Variants in MICAL3 observed in about 807,000 individuals in gnomAD.
MICAL3 encodes the protein [F-actin]-monooxygenase MICAL3.
MICAL3 carries 62 observed loss-of-function variants against 207.4 expected under a neutral mutation model. The observed-to-expected ratio is 0.30, with a 90% CI of 0.24 to 0.37. The LOEUF is 0.37. Ranked by LOEUF, MICAL3 falls within the 10% of genes least tolerant of loss-of-function variation. The pLI, the probability that MICAL3 is intolerant of heterozygous loss-of-function variation, is 1.00. For synonymous variants in MICAL3, 1,077 were observed against 1,069.3 expected, an observed-to-expected ratio of 1.01 and a Z score of -0.14; for missense variants, 2,368 against 2,635.6, an observed-to-expected ratio of 0.90 and a Z score of 2.22.
intron 1 of MICAL3, among the ~76,000 whole-genome samples, chr22:17,988,571 C>T (rs888552896): frequency 1.3e-5 from 2 of 152,246 alleles, no homozygotes; most frequent in Non-Finnish European, 2.9e-5. Flanking sequence ...TCTCCTGCCT[C>T]AGCCTCCCAA....
intron 21 of MICAL3, among the ~76,000 whole-genome samples, chr22:17,829,071 G>A (rs1297671713): frequency 3.3e-5 from 5 of 152,224 alleles, no homozygotes; most frequent in Admixed American, 2.0e-4. Context: ...CCTGCAAGCC[G>A]TATGTGGAGT....
chr22:17,902,796 T>G lies in MICAL3; in HGVS notation c.473-49A>C. On this transcript the variant is annotated intron_variant, in intron 3 of 31. Transcript: ENST00000441493. The surrounding 1 kb of genome is among the most constrained non-coding windows in gnomAD (Gnocchi z 4.5). The stretch of plus-strand genomic sequence containing the variant: ...TGATGGGAACACATGGAGAAGGGGG[T>G]ACCCATCCGTGTCGCAGCTCAGGCT... 2 of 1,181,428 alleles carry G rather than the reference T, an allele frequency of 1.7e-6. No individual in the cohort carries two copies. The highest frequency in any genetic ancestry group is 2.5e-6 in the Non-Finnish European group (2 of 812,964). 73.2% of individuals were successfully genotyped at this position (1,181,428 alleles called of 1,614,324 possible). A position where few individuals can be genotyped will look rare whatever the true frequency, so the allele number is the denominator to read the frequency against.
chr22:17,801,677 T>TA (rs1436383891), intron 29 of MICAL3, among the ~76,000 whole-genome samples: 3 of 151,544 alleles, frequency 2.0e-5, no homozygotes, highest in African/African-American at 4.8e-5. Flanking sequence ...GCGGATCACC[T>TA]GAAGTCAGGA....
Position 17,817,429 on chromosome 22 carries a change from G to T in MICAL3, c.5232C>A (p.Phe1744Leu). The change falls in exon 26 of 32, where the codon TTC becomes TTA. Residue 1744 changes from phenylalanine to leucine, a missense_variant. Around this residue, in one of 4 missense-constraint regions of MICAL3, gnomAD observed 1,770 missense variants for 1,863.2 expected, o/e 0.95. Coordinates refer to ENST00000441493, the MANE Select transcript of MICAL3 (RefSeq NM_015241.3). ...AKPKSLWKSV[F>L]SGYKKDKKKK... ...TCTTCTTGTCCTTCTTGTACCCGGA[G>T]AAGACGGACTTCCACAGGGACTTGG... 1 of 1,613,678 alleles carries T rather than the reference G, an allele frequency of 6.2e-7. No individual in the cohort carries two copies. The highest frequency in any genetic ancestry group is 8.5e-7 in the Non-Finnish European group (1 of 1,179,888).
chr22:17,976,137 T>C (rs890687166), intron 1 of MICAL3, among the ~76,000 whole-genome samples: 15 of 152,234 alleles, frequency 9.9e-5, no homozygotes, highest in African/African-American at 3.4e-4. Context: ...GTTTTATTTC[T>C]TTCTAATCTT....
At chr22:17,966,205 C>G (rs538931920) in intron 1 of MICAL3, among the ~76,000 whole-genome samples, 31 of 152,252 alleles carry the variant, frequency 2.0e-4, no homozygotes, top group Admixed American at 3.3e-4. Flanking sequence ...AATTTCCAGT[C>G]CCTGACTCTG....
At chr22:18,008,313 G>A (rs1409784566) in intron 1 of MICAL3, among the ~76,000 whole-genome samples, 1 of 152,188 alleles carries the variant, frequency 6.6e-6, no homozygotes, top group Non-Finnish European at 1.5e-5. Flanking sequence ...ACCCGTGACT[G>A]CCACCAGTTC....
At chr22:17,803,064 T>C (rs1436119702) in intron 29 of MICAL3, among the ~76,000 whole-genome samples, 1 of 152,198 alleles carries the variant, frequency 6.6e-6, no homozygotes, top group African/African-American at 2.4e-5. Flanking sequence ...TTACAGCAGA[T>C]AACCAGGCCT....
At chr22:17,890,262 C>A (rs1930288895) in intron 12 of MICAL3, among the ~76,000 whole-genome samples, 1 of 152,150 alleles carries the variant, frequency 6.6e-6, no homozygotes, top group South Asian at 2.1e-4. Context: ...ACTATGACCT[C>A]ACTGCTGCTG....
Position 17,789,723 on chromosome 22 carries a change from C to A in MICAL3, c.*1009G>T, listed in dbSNP as rs2061810452. ...GCCCCGGACCAGGTCGCGTAGGACGCACCAGATGCCGCTGTGGCTCCCGCA... is the reference window on the plus strand; with the variant it reads ...GCCCCGGACCAGGTCGCGTAGGACGAACCAGATGCCGCTGTGGCTCCCGCA... On this transcript the variant is annotated 3_prime_UTR_variant, in exon 32 of 32. Coordinates refer to ENST00000441493, the MANE Select transcript of MICAL3 (RefSeq NM_015241.3). 6.6e-6 allele frequency: 1 copy of A among 152,292 alleles called. No homozygotes were observed. The highest frequency in any genetic ancestry group is 1.9e-4 in the East Asian group (1 of 5,204). The allele number at this position is 152,292 out of a possible 1,614,324, so 9.4% of individuals were successfully genotyped here. A position where few individuals can be genotyped will look rare whatever the true frequency, so the allele number is the denominator to read the frequency against.
At chr22:17,966,543 T>C (rs1602309145) in intron 1 of MICAL3, among the ~76,000 whole-genome samples, 1 of 152,146 alleles carries the variant, frequency 6.6e-6, no homozygotes, top group African/African-American at 2.4e-5. Flanking sequence ...CCATGACCAA[T>C]CCTCAGGAGA....
intron 28 of MICAL3, among the ~76,000 whole-genome samples, chr22:17,809,531 G>T (rs1230132100): frequency 6.6e-6 from 1 of 152,260 alleles, no homozygotes; most frequent in East Asian, 1.9e-4. Flanking sequence ...CTACTCGGGA[G>T]GCTGAGGCAG....
At chr22:17,971,834 G>A (rs28478894) in intron 1 of MICAL3, among the ~76,000 whole-genome samples, 27,795 of 152,266 alleles carry the variant, frequency 0.18, 2,797 homozygotes, top group Middle Eastern at 0.27. Context: ...GAGGGAGGAT[G>A]CCCAGGGAAA....
chr22:17,832,242 G>A, intron 20 of MICAL3, 135 bp from the exon 21 acceptor site: 2 of 1,171,242 alleles, frequency 1.7e-6, no homozygotes, highest in Non-Finnish European at 2.4e-6. Context: ...ACAGGAGGGA[G>A]GAGAGAGCGG....
At chr22:17,875,834 C>T (rs556893648) in intron 16 of MICAL3, among the ~76,000 whole-genome samples, 10 of 152,282 alleles carry the variant, frequency 6.6e-5, no homozygotes, top group South Asian at 2.1e-4. Flanking sequence ...ACAGCCTCGG[C>T]CTCCCTCTGA....
chr22:17,799,602 C>T (rs779133515), intron 29 of MICAL3, among the ~76,000 whole-genome samples: 1 of 152,240 alleles, frequency 6.6e-6, no homozygotes, highest in Non-Finnish European at 1.5e-5. Flanking sequence ...CCACCAATGC[C>T]ATGCTCCTGG....
intron 22 of MICAL3, among the ~76,000 whole-genome samples, chr22:17,823,927 C>T (rs1443074257): frequency 6.6e-6 from 1 of 152,194 alleles, no homozygotes; most frequent in Non-Finnish European, 1.5e-5. Context: ...ATGAGCTTCC[C>T]TTGCAATAAT....
intron 27 of MICAL3, chr22:17,811,443 G>A (rs2062046747): frequency 1.3e-5 from 2 of 152,524 alleles, no homozygotes; most frequent in South Asian, 4.1e-4. Context: ...GAATTGTGGA[G>A]GTGAACCTGG....
chr22:17,831,814 G>C (rs182044252), intron 21 of MICAL3, 40 bp downstream of exon 21: 14 of 1,538,012 alleles, frequency 9.1e-6, no homozygotes, highest in African/African-American at 5.5e-5. Context: ...GATCACTTTG[G>C]GGGGCAGGGC....
Sources: allele counts gnomAD v4.1 joint callset (sites outside exome capture counted in the v4.1 genomes callset), GRCh38; gene constraint gnomAD v4.1.1; regional missense constraint gnomAD v4.1.1; non-coding constraint Gnocchi (gnomAD v3.1); transcripts MANE v1.5; gene names NCBI Gene and HGNC (gene_info 2026-07-23, HGNC 2026-07-21).